The following ZNF516 variants were observed in gnomAD, a reference collection of about 807,000 sequenced individuals.
ZNF516 encodes the protein zinc finger protein 516.
In ZNF516, 19 loss-of-function variants were observed where a neutral mutation model predicts 79.7. The observed-to-expected ratio is 0.24, with a 90% CI of 0.17 to 0.35. The LOEUF (loss-of-function observed/expected upper bound fraction) is 0.35. ZNF516 is among the 10% of genes least tolerant of loss of function. The pLI, the probability that ZNF516 is intolerant of heterozygous loss-of-function variation, is 1.00. For missense variants in ZNF516, 1,678 were observed against 1,679.5 expected (o/e 1.00, Z 0.02); for synonymous variants, 877 against 739.5 (o/e 1.19, Z -3.02).
intron 1 of ZNF516, among the ~76,000 whole-genome samples, chr18:76,472,550 A>G (rs1352809419): frequency 6.6e-6 from 1 of 152,266 alleles, no homozygotes; most frequent in Non-Finnish European, 1.5e-5. Flanking sequence ...ACACAGGTGT[A>G]TGCACCTCTG....
chr18:76,468,774 C>A (rs142342730), intron 1 of ZNF516, among the ~76,000 whole-genome samples: 1 of 152,006 alleles, frequency 6.6e-6, no homozygotes, highest in South Asian at 2.1e-4. Context: ...CCAATGTGGC[C>A]GAGGGAAGCC....
At chr18:76,406,691 G>C (rs1401869824) in intron 3 of ZNF516, among the ~76,000 whole-genome samples, 1 of 152,208 alleles carries the variant, frequency 6.6e-6, no homozygotes, top group Non-Finnish European at 1.5e-5. Flanking sequence ...GTTATCATGG[G>C]TTCCAGGCTT....
intron 3 of ZNF516, among the ~76,000 whole-genome samples, chr18:76,405,289 T>G (rs570175334): frequency 7.9e-5 from 12 of 152,130 alleles, no homozygotes; most frequent in Non-Finnish European, 1.8e-4. Flanking sequence ...AGTGCAGTGG[T>G]GCAATCATAG....
At chr18:76,401,138 C>G (rs1238630728) in intron 3 of ZNF516, among the ~76,000 whole-genome samples, 1 of 152,042 alleles carries the variant, frequency 6.6e-6, no homozygotes, top group Admixed American at 6.5e-5. Flanking sequence ...TTATTTATAT[C>G]CTACTGCTCA....
chr18:76,379,134 C>A lies in ZNF516; in HGVS notation c.2980G>T (p.Ala994Ser), dbSNP rs369778017. The A allele has an allele frequency of 2.5e-6, 4 of 1,612,646 alleles. No individual in the cohort carries two copies. Among genetic ancestry groups the A allele is most frequent in the South Asian group, 2.2e-5 (2 of 91,082 alleles). ...GGCTCGCGGGGAGGTAGAGGAGGAG[C>A]GCCCCCTTCGCCCTTTGCAGGAGGT... ...GPPPAKGEGG[A>S]PPLPPREPPS... Residue 994 changes from alanine to serine, a missense_variant, in exon 4 of 7, where the codon GCT becomes TCT. This residue lies in a region of ZNF516 where 1,294 missense variants were observed against 1,248.3 expected (regional missense o/e 1.04). Transcript: ENST00000443185.
intron 3 of ZNF516, among the ~76,000 whole-genome samples, chr18:76,417,996 A>G (rs1370881889): frequency 1.3e-5 from 2 of 152,244 alleles, no homozygotes; most frequent in Non-Finnish European, 2.9e-5. Context: ...CGGTAAAAAT[A>G]AACGTCAGTT....
intron 2 of ZNF516, among the ~76,000 whole-genome samples, chr18:76,447,026 G>A (rs1912093088): frequency 6.6e-6 from 1 of 152,188 alleles, no homozygotes; most frequent in Non-Finnish European, 1.5e-5. Flanking sequence ...GACTAGCAAA[G>A]TTTCTCAAAC....
intron 1 of ZNF516, among the ~76,000 whole-genome samples, chr18:76,485,573 A>G (rs1914782637): frequency 6.6e-6 from 1 of 152,208 alleles, no homozygotes; most frequent in African/African-American, 2.4e-5. Context: ...AACGAGAGAG[A>G]GGTGTCTGGA....
intron 1 of ZNF516, among the ~76,000 whole-genome samples, chr18:76,473,355 C>CAAAAAAAAAAAAAAAAAAA (rs35092154): frequency 1.1e-5 from 1 of 87,666 alleles, no homozygotes; most frequent in Non-Finnish European, 2.1e-5. Flanking sequence ...TTGCTCTCTG[C>CAAAAAAAAAAAAAAAAAAA]AAAAAAAAAA....
chr18:76,458,919 CAGTG>C (rs770694428), intron 2 of ZNF516, among the ~76,000 whole-genome samples: 21 of 152,262 alleles, frequency 1.4e-4, no homozygotes, highest in Non-Finnish European at 1.8e-4. Flanking sequence ...GAGTGTGTGA[CAGTG>C]AGTGTGGAAG....
chr18:76,459,855 A>T lies in ZNF516; in HGVS notation c.-158+3173T>A, dbSNP rs1312672596. On this transcript the variant is annotated intron_variant, in intron 2 of 6. Coordinates refer to ENST00000443185, the MANE Select transcript of ZNF516 (RefSeq NM_014643.4). This position sits in a 1 kb window ranked among gnomAD's most constrained non-coding sequence, Gnocchi z 5.0. ...AAGAACAGGCGATCCGGCAGGCACA[A>T]GAAGGAACATACTGATGATAAGGAA... Among the ~76,000 whole-genome samples the T allele has an allele frequency of 6.6e-6, 1 of 152,202 alleles. No homozygotes were observed. Among genetic ancestry groups the T allele is most frequent in the Non-Finnish European group, 1.5e-5 (1 of 68,028 alleles).
At position 76,438,959 on chromosome 18, in the gene ZNF516, C is replaced by T. The variant is rs534804120; in HGVS notation, c.1810+2286G>A. On this transcript the variant is annotated intron_variant, in intron 3 of 6. Coordinates refer to ENST00000443185, the MANE Select transcript of ZNF516 (RefSeq NM_014643.4). ...TAACAGTGTTAACCAATCATCCCAT[C>T]AGAGTTCCATGAGAATTTAAAATAA... 2.0e-5 allele frequency among the ~76,000 whole-genome samples: 3 copies of T among 152,352 alleles called. No homozygotes were observed. The East Asian group carries it at 5.8e-4, about 29-fold the overall frequency.
In ZNF516 at chr18:76,380,268, C is replaced by G. The variant is rs752637177; in HGVS notation, c.1846G>C (p.Val616Leu). ...QPRRCCFSEE[V>L]TSTELSSGDQ... is the part of the protein sequence containing the mutation. ...CCACTGGAGAGCTCGGTCGAAGTCACCTCTTCGGAAAAGCAGCAGCGGCGC... is the reference window on the plus strand; with the variant it reads ...CCACTGGAGAGCTCGGTCGAAGTCAGCTCTTCGGAAAAGCAGCAGCGGCGC... The change falls in exon 4 of 7, where the codon GTG (valine) becomes CTG (leucine). Residue 616 changes from valine to leucine, a missense_variant. Physicochemically the swap from Val to Leu is conservative, Grantham distance 32 (BLOSUM62 1). Around this residue, in one of 5 missense-constraint regions of ZNF516, gnomAD observed 1,294 missense variants for 1,248.3 expected, o/e 1.04. Transcript: ENST00000443185. 140 of 1,613,690 alleles carry G rather than the reference C, an allele frequency of 8.7e-5. No individual in the cohort carries two copies. Among genetic ancestry groups the G allele is most frequent in the Non-Finnish European group, 1.1e-4 (134 of 1,179,818 alleles).
chr18:76,470,691 C>T (rs1381382540), intron 1 of ZNF516, among the ~76,000 whole-genome samples: 2 of 152,228 alleles, frequency 1.3e-5, no homozygotes, highest in Non-Finnish European at 2.9e-5. Context: ...TAAATCCCTA[C>T]ATACTGTAAG....
In ZNF516 at chr18:76,401,497, A is replaced by G. The variant is rs564589063; in HGVS notation, c.1811-21194T>C. 1.4e-4 allele frequency among the ~76,000 whole-genome samples: 21 copies of G among 152,234 alleles called. No individual in the cohort carries two copies. The East Asian group carries it at 3.9e-3, about 28-fold the overall frequency. On this transcript the variant is annotated intron_variant, in intron 3 of 6. Coordinates refer to ENST00000443185, the MANE Select transcript of ZNF516 (RefSeq NM_014643.4). ...AAGCTAAGTAAGCTGTTTTCCATCA[A>G]GTACTACATCAAAAAGCTGGTCACA...
At chr18:76,382,814 G>C (rs2074915094) in intron 3 of ZNF516, among the ~76,000 whole-genome samples, 1 of 152,150 alleles carries the variant, frequency 6.6e-6, no homozygotes, top group African/African-American at 2.4e-5. Flanking sequence ...GGGAAGCCCA[G>C]GAGAGCGGAT....
chr18:76,495,904 GGTC>G (rs561735101), upstream of ZNF516: 881 of 388,176 alleles, frequency 2.3e-3, 10 homozygotes, highest in African/African-American at 0.018. Context: ...GGGTCACAGA[GGTC>G]CCGCTGGAAA....
rs1226529711 is a variant in ZNF516 at position 76,441,683 on chromosome 18, G to C, written c.1372C>G (p.Leu458Val). The C allele has an allele frequency of 2.6e-6, 4 of 1,559,274 alleles. No individual in the cohort carries two copies. Among genetic ancestry groups the C allele is most frequent in the Non-Finnish European group, 3.5e-6 (4 of 1,154,746 alleles). Reference protein sequence around the residue: ...AFDKDRREYVLVSQEKRKREQ... With the variant: ...AFDKDRREYVVVSQEKRKREQ... ...CGCTTGCGCTTCTCCTGGCTCACCA[G>C]GACGTACTCGCGCCTGTCCTTGTCG... Residue 458 changes from leucine (L) to valine (V), a missense_variant, in exon 3 of 7, where the codon CTG (leucine) becomes GTG (valine). Transcript: ENST00000443185.
intron 3 of ZNF516, among the ~76,000 whole-genome samples, chr18:76,397,933 C>A (rs192719865): frequency 6.6e-6 from 1 of 152,244 alleles, no homozygotes; most frequent in Non-Finnish European, 1.5e-5. Context: ...CAAAAACAGT[C>A]CCAAATTAAA....
Sources: allele counts gnomAD v4.1 joint callset (sites outside exome capture counted in the v4.1 genomes callset), GRCh38; gene constraint gnomAD v4.1.1; regional missense constraint gnomAD v4.1.1; non-coding constraint Gnocchi (gnomAD v3.1); transcripts MANE v1.5; gene names NCBI Gene and HGNC (gene_info 2026-07-23, HGNC 2026-07-21).